The following FLACC1 variants were observed in gnomAD, a reference collection of about 807,000 sequenced individuals.
FLACC1 encodes flagellum associated containing coiled-coil domains 1, also known as flagellum-associated coiled-coil domain-containing protein 1.
In FLACC1, 66 loss-of-function variants were observed where a neutral mutation model predicts 62.8. The observed-to-expected ratio is 1.05, with a 90% CI of 0.86 to 1.29. The LOEUF (loss-of-function observed/expected upper bound fraction) is 1.29. Among genes scored for constraint, FLACC1 ranks in the 50% most tolerant of loss-of-function variants. FLACC1 has a pLI of 0.00. For missense variants in FLACC1, 452 were observed against 489.1 expected (o/e 0.92, Z 0.71); for synonymous variants, 156 against 161.0 (o/e 0.97, Z 0.24).
chr2:201,330,973 T>A, intron 7 of FLACC1, 140 bp from the exon 8 acceptor site: 3 of 299,166 alleles, frequency 1.0e-5, no homozygotes, highest in Non-Finnish European at 1.7e-5. Context: ...TTTTAAATCT[T>A]TTTTTTTTTT....
At chr2:201,302,397 T>C (rs1345157639) in intron 11 of FLACC1, among the ~76,000 whole-genome samples, 9 of 152,198 alleles carry the variant, frequency 5.9e-5, no homozygotes, top group South Asian at 2.1e-4. Context: ...TAAATACATA[T>C]GCACCCAATA....
At chr2:201,295,759 T>C (rs953357872) in intron 12 of FLACC1, among the ~76,000 whole-genome samples, 2 of 151,996 alleles carry the variant, frequency 1.3e-5, no homozygotes, top group South Asian at 2.1e-4. Flanking sequence ...TGCAACCTAC[T>C]CATCTGACAA....
intron 12 of FLACC1, among the ~76,000 whole-genome samples, chr2:201,293,754 A>G (rs1949792159): frequency 6.6e-6 from 1 of 152,166 alleles, no homozygotes; most frequent in South Asian, 2.1e-4. Context: ...GAAAAGATCA[A>G]CAAAATTAAT....
At chr2:201,307,076 G>A (rs1374243894) in intron 11 of FLACC1, among the ~76,000 whole-genome samples, 3 of 152,086 alleles carry the variant, frequency 2.0e-5, no homozygotes, top group Non-Finnish European at 4.4e-5. Flanking sequence ...ATATATCTAA[G>A]ATGCAAGAAA....
At position 201,326,767 on chromosome 2, in the gene FLACC1, C is replaced by T. The variant is rs746532656; in HGVS notation, c.675+3703G>A. ...CCCAAAGTAATCTTGCATTACAGAT[C>T]CAGTGCAATTCCCATCAAAATATCA... On this transcript the variant is annotated intron_variant, in intron 9 of 14. Transcript: ENST00000392257. The surrounding 1 kb of genome is among the most constrained non-coding windows in gnomAD (Gnocchi z 4.1). Among the ~76,000 whole-genome samples, 61 of 151,848 alleles carry T rather than the reference C, an allele frequency of 4.0e-4. No homozygotes were observed. Among genetic ancestry groups the T allele is most frequent in the Non-Finnish European group, 2.7e-4 (18 of 67,876 alleles).
rs758126828 is a variant in FLACC1 at position 201,289,439 on chromosome 2, T to C, written c.1142+18A>G. Reference sequence around the variant, plus strand: ...CCTAAAGAGAACTCAGCTATGTCTTTTTCAGCAGCAGCCGCACTTCAGATG... The same window carrying C: ...CCTAAAGAGAACTCAGCTATGTCTTCTTCAGCAGCAGCCGCACTTCAGATG... On this transcript the variant is annotated intron_variant, in intron 14 of 14. Transcript: ENST00000392257. 3 of 1,610,974 alleles carry C rather than the reference T, an allele frequency of 1.9e-6. No homozygotes were observed. The highest frequency in any genetic ancestry group is 1.7e-6 in the Non-Finnish European group (2 of 1,177,202).
chr2:201,361,601 A>C (rs934420833), upstream of FLACC1, among the ~76,000 whole-genome samples: 4 of 152,174 alleles, frequency 2.6e-5, no homozygotes, highest in Non-Finnish European at 5.9e-5. Context: ...TCTAGATGGA[A>C]CATGAAGCCT....
At chr2:201,301,013 C>T (rs566188778) in intron 11 of FLACC1, among the ~76,000 whole-genome samples, 179 of 152,256 alleles carry the variant, frequency 1.2e-3, no homozygotes, top group Non-Finnish European at 2.1e-3. Flanking sequence ...AAAATCAGAG[C>T]GACTCTTCTC....
intron 7 of FLACC1, among the ~76,000 whole-genome samples, chr2:201,336,604 C>G (rs1950700800): frequency 6.6e-6 from 1 of 152,174 alleles, no homozygotes; most frequent in Admixed American, 6.5e-5. Context: ...TCCACAGTGG[C>G]TGAACTAATT....
intron 6 of FLACC1, 51 bp from the exon 7 acceptor site, chr2:201,342,482 T>A: frequency 6.3e-7 from 1 of 1,575,328 alleles, no homozygotes; most frequent in Non-Finnish European, 8.7e-7. Flanking sequence ...CCTGTCCCAT[T>A]CTGATCTGCA....
chr2:201,304,409 T>C (rs6712091), intron 11 of FLACC1, among the ~76,000 whole-genome samples: 90,459 of 151,612 alleles, frequency 0.6, 27,280 homozygotes, highest in South Asian at 0.76. Context: ...GAACTACAAA[T>C]CACTGCTCAA....
intron 2 of FLACC1, 73 bp downstream of exon 2, chr2:201,351,219 A>C (rs1250697098): frequency 7.6e-7 from 1 of 1,311,522 alleles, no homozygotes; most frequent in Non-Finnish European, 1.1e-6. Context: ...TGTTTTAGAA[A>C]TCTTGTGAGA....
At chr2:201,350,905 G>T in intron 2 of FLACC1, 123 bp from the exon 3 acceptor site, 1 of 797,196 alleles carries the variant, frequency 1.3e-6, no homozygotes, top group Non-Finnish European at 2.0e-6. Flanking sequence ...CTGATAGCTG[G>T]AATCTTTAAA....
chr2:201,309,905 C>CAAAAAAAAAAAA (rs1161849891), intron 9 of FLACC1, among the ~76,000 whole-genome samples: 3 of 44,666 alleles, frequency 6.7e-5, no homozygotes, highest in Non-Finnish European at 1.1e-4. Context: ...GACTCTGTCT[C>CAAAAAAAAAAAA]AAAAAAAAAA....
Position 201,345,663 on chromosome 2 carries a change from A to G in FLACC1, c.368+879T>C, listed in dbSNP as rs188259523. ...GAGAAGAAGATATGAATAAGAGATT[A>G]AAGGGTAGAATGAAAAGATGTAGAG... On this transcript the variant is annotated intron_variant, in intron 5 of 14. Transcript: ENST00000392257. Among the ~76,000 whole-genome samples, 14 of 152,318 alleles carry G rather than the reference A, an allele frequency of 9.2e-5. 1 individual carries two copies. In the East Asian group the frequency reaches 2.7e-3, roughly 29 times the overall value.
chr2:201,360,642 C>T (rs1434955464), upstream of FLACC1, among the ~76,000 whole-genome samples: 1 of 152,144 alleles, frequency 6.6e-6, no homozygotes, highest in Admixed American at 6.5e-5. Context: ...CTGAATAGAC[C>T]CGACCAGGTA....
intron 7 of FLACC1, among the ~76,000 whole-genome samples, chr2:201,336,564 C>T (rs1950700238): frequency 6.6e-6 from 1 of 152,154 alleles, no homozygotes; most frequent in African/African-American, 2.4e-5. Flanking sequence ...AGTTCTGTCT[C>T]AAGTTCTTTG....
chr2:201,289,964 T>G, intron 12 of FLACC1, 179 bp from the exon 13 acceptor site: 1 of 1,100,910 alleles, frequency 9.1e-7, no homozygotes, highest in South Asian at 1.5e-5. Flanking sequence ...ATCCTTCTCT[T>G]CAGCCTCACC....
upstream of FLACC1, among the ~76,000 whole-genome samples, chr2:201,358,076 T>G (rs1951146438): frequency 6.6e-6 from 1 of 152,248 alleles, no homozygotes; most frequent in South Asian, 2.1e-4. Flanking sequence ...AATATTGTTA[T>G]AAATTCATCT....
Sources: allele counts gnomAD v4.1 joint callset (sites outside exome capture counted in the v4.1 genomes callset), GRCh38; gene constraint gnomAD v4.1.1; non-coding constraint Gnocchi (gnomAD v3.1); transcripts MANE v1.5; gene names NCBI Gene and HGNC (gene_info 2026-07-23, HGNC 2026-07-21).